Variants in ANGPT1 observed in about 807,000 individuals in gnomAD.
ANGPT1 encodes the protein angiopoietin 1.
ANGPT1 carries 17 observed loss-of-function variants against 62.2 expected under a neutral mutation model. That is an observed-to-expected ratio of 0.27 (90% CI 0.19 to 0.41). The LOEUF is 0.41. Ranked by LOEUF, ANGPT1 falls within the 10% of genes least tolerant of loss-of-function variation. The probability of loss-of-function intolerance (pLI) is 1.00; values close to 1 mark genes in which losing one functional copy is unlikely to be tolerated. For missense variants in ANGPT1, 478 were observed against 594.9 expected (o/e 0.80, Z 2.04); for synonymous variants, 199 against 198.9 (o/e 1.00, Z 0.00).
chr8:107,496,649 AT>A lies in ANGPT1; in HGVS notation c.297+612del, dbSNP rs1388583479. Among the ~76,000 whole-genome samples the A allele has an allele frequency of 5.9e-5, 9 of 152,012 alleles. No individual in the cohort carries two copies. In the East Asian group the frequency reaches 1.4e-3, roughly 23 times the overall value. ...GTTAACATTACAATGTATCTTTTTA[AT>A]TTTTTTTCTCAAGGACAGAAGAAAA... On this transcript the variant is annotated intron_variant, in intron 1 of 8. Coordinates refer to ENST00000517746, the MANE Select transcript of ANGPT1 (RefSeq NM_001146.5).
At chr8:107,317,920 C>T (rs528293154) in intron 4 of ANGPT1, among the ~76,000 whole-genome samples, 18 of 152,256 alleles carry the variant, frequency 1.2e-4, no homozygotes, top group Non-Finnish European at 1.5e-4. Flanking sequence ...CATGAGCCAC[C>T]GCGCCTGGCC....
chr8:107,440,045 T>G (rs1198505111), intron 1 of ANGPT1, among the ~76,000 whole-genome samples: 2 of 152,196 alleles, frequency 1.3e-5, no homozygotes, highest in Non-Finnish European at 2.9e-5. Context: ...TTCCCTTTTC[T>G]TCCCCATGTT....
chr8:107,365,800 C>G (rs890607826), intron 1 of ANGPT1, among the ~76,000 whole-genome samples: 1 of 151,324 alleles, frequency 6.6e-6, no homozygotes, highest in Non-Finnish European at 1.5e-5. Flanking sequence ...TTCTCATTTT[C>G]TTGACTGTGA....
chr8:107,392,440 A>G (rs1300189774), intron 1 of ANGPT1, among the ~76,000 whole-genome samples: 1 of 152,220 alleles, frequency 6.6e-6, no homozygotes. Flanking sequence ...TTGACTAATA[A>G]TAAGGATGAG....
chr8:107,324,649 C>T (rs1488896081), intron 3 of ANGPT1, among the ~76,000 whole-genome samples: 1 of 152,148 alleles, frequency 6.6e-6, no homozygotes, highest in Non-Finnish European at 1.5e-5. Context: ...CTGGGCATTC[C>T]AAATCTTTGC....
intron 3 of ANGPT1, among the ~76,000 whole-genome samples, chr8:107,330,257 T>C (rs527426231): frequency 3.3e-5 from 5 of 152,322 alleles, no homozygotes; most frequent in East Asian, 1.9e-4. Flanking sequence ...ATTATTGTCA[T>C]TGTTATGTTA....
chr8:107,365,130 T>G (rs1160982582), intron 1 of ANGPT1, among the ~76,000 whole-genome samples: 3 of 152,200 alleles, frequency 2.0e-5, no homozygotes, highest in South Asian at 2.1e-4. Context: ...TTTAAGGTTT[T>G]TATTAAAACT....
intron 1 of ANGPT1, among the ~76,000 whole-genome samples, chr8:107,463,905 G>A (rs989122678): frequency 1.3e-5 from 2 of 152,078 alleles, no homozygotes; most frequent in Admixed American, 6.6e-5. Flanking sequence ...TATATTGAAT[G>A]CACTATAAAA....
intron 1 of ANGPT1, among the ~76,000 whole-genome samples, chr8:107,415,463 G>A (rs953174114): frequency 1.3e-5 from 2 of 152,106 alleles, no homozygotes; most frequent in Admixed American, 1.3e-4. Flanking sequence ...AGCTCTGTAT[G>A]TCAAACCAAG....
intron 4 of ANGPT1, among the ~76,000 whole-genome samples, chr8:107,320,064 A>T (rs946761356): frequency 6.6e-6 from 1 of 152,164 alleles, no homozygotes; most frequent in African/African-American, 2.4e-5. Context: ...GATTATTATT[A>T]CTATTTTTGG....
intron 1 of ANGPT1, among the ~76,000 whole-genome samples, chr8:107,455,914 T>C (rs375104766): frequency 2.6e-5 from 4 of 152,000 alleles, no homozygotes; most frequent in Non-Finnish European, 5.9e-5. Flanking sequence ...AATACACAAC[T>C]TGGGGATTGG....
chr8:107,437,088 G>A (rs936499513), intron 1 of ANGPT1, among the ~76,000 whole-genome samples: 2 of 152,168 alleles, frequency 1.3e-5, no homozygotes, highest in Non-Finnish European at 2.9e-5. Context: ...GAGGGACAGT[G>A]AGGTGAGGTT....
At chr8:107,335,908 A>C (rs193159235) in intron 3 of ANGPT1, among the ~76,000 whole-genome samples, 1 of 152,298 alleles carries the variant, frequency 6.6e-6, no homozygotes, top group African/African-American at 2.4e-5. Flanking sequence ...ACCATTAGAG[A>C]AATTAATGCT....
intron 1 of ANGPT1, among the ~76,000 whole-genome samples, chr8:107,419,982 T>C (rs924332285): frequency 6.6e-6 from 1 of 152,208 alleles, no homozygotes; most frequent in Non-Finnish European, 1.5e-5. Flanking sequence ...TGTGCCCATT[T>C]TACAGATAAA....
chr8:107,373,555 A>T (rs1280917134), intron 1 of ANGPT1, among the ~76,000 whole-genome samples: 1 of 152,202 alleles, frequency 6.6e-6, no homozygotes, highest in African/African-American at 2.4e-5. Context: ...TCCATGAGGG[A>T]TCATTCACAG....
intron 1 of ANGPT1, among the ~76,000 whole-genome samples, chr8:107,424,466 C>A (rs562219726): frequency 6.6e-6 from 1 of 152,250 alleles, no homozygotes; most frequent in East Asian, 1.9e-4. Context: ...CTCCACTGTT[C>A]CGAGAAGGGT....
At chr8:107,383,219 A>G (rs1816673143) in intron 1 of ANGPT1, among the ~76,000 whole-genome samples, 1 of 152,160 alleles carries the variant, frequency 6.6e-6, no homozygotes, top group Admixed American at 6.6e-5. Flanking sequence ...GACCACAGAG[A>G]AATGGCTCCT....
At chr8:107,463,768 A>G (rs1812130656) in intron 1 of ANGPT1, among the ~76,000 whole-genome samples, 1 of 152,136 alleles carries the variant, frequency 6.6e-6, no homozygotes, top group South Asian at 2.1e-4. Context: ...TAAAAAGTAA[A>G]AGTTCCCTAG....
intron 1 of ANGPT1, among the ~76,000 whole-genome samples, chr8:107,408,379 T>C (rs1817192576): frequency 1.3e-5 from 2 of 152,318 alleles, no homozygotes; most frequent in South Asian, 4.1e-4. Flanking sequence ...GAAAATTTTA[T>C]AAGTTTGAAA....
Sources: allele counts gnomAD v4.1 joint callset (sites outside exome capture counted in the v4.1 genomes callset), GRCh38; gene constraint gnomAD v4.1.1; transcripts MANE v1.5; gene names NCBI Gene and HGNC (gene_info 2026-07-23, HGNC 2026-07-21).